The following FBXL19 variants were observed in gnomAD, a reference collection of about 807,000 sequenced individuals.
FBXL19 encodes F-box/LRR-repeat protein 19.
FBXL19 carries 16 observed loss-of-function variants against 71.2 expected under a neutral mutation model. The ratio of observed to expected loss-of-function variants is 0.22; its 90% CI spans 0.15 to 0.34. The LOEUF is 0.34. Ranked by LOEUF, FBXL19 falls within the 10% of genes least tolerant of loss-of-function variation. FBXL19 has a pLI of 1.00. For missense variants in FBXL19, 658 were observed against 968.2 expected (o/e 0.68, Z 4.25); for synonymous variants, 447 against 409.4 (o/e 1.09, Z -1.11).
Position 30,930,191 on chromosome 16 carries a change from C to T in FBXL19, c.908C>T (p.Thr303Ile). ...MCQLLERVPD[T>I]SSSSSDSDSD... Reference sequence around the variant, plus strand: ...CAGCTGCTGGAACGGGTGCCTGACACCTCCTCTTCCTCCTCGGACTCAGAC... The same window carrying T: ...CAGCTGCTGGAACGGGTGCCTGACATCTCCTCTTCCTCCTCGGACTCAGAC... Residue 303 changes from threonine to isoleucine, a missense_variant, in exon 7 of 11, where the codon ACC becomes ATC. By Grantham distance (89) the Thr-to-Ile change is moderately conservative. Transcript: ENST00000338343. The surrounding 1 kb of genome is among the most constrained non-coding windows in gnomAD (Gnocchi z 8.5). 1 of 1,613,238 alleles carries T rather than the reference C, an allele frequency of 6.2e-7. No homozygotes were observed. Among genetic ancestry groups the T allele is most frequent in the Non-Finnish European group, 8.5e-7 (1 of 1,179,884 alleles).
Position 30,925,944 on chromosome 16 carries a change from C to G in FBXL19, c.177+13C>G, listed in dbSNP as rs1273278571. 2 of 1,476,426 alleles carry G rather than the reference C, an allele frequency of 1.4e-6. No homozygotes were observed. The highest frequency in any genetic ancestry group is 5.3e-5 in the Admixed American group (2 of 37,910). 91.5% of individuals were successfully genotyped at this position (1,476,426 alleles called of 1,614,324 possible). A position where few individuals can be genotyped will look rare whatever the true frequency, so the allele number is the denominator to read the frequency against. On this transcript the variant is annotated intron_variant, in intron 2 of 10. Transcript: ENST00000338343. This position sits in a 1 kb window ranked among gnomAD's most constrained non-coding sequence, Gnocchi z 5.0. ...GCAGTGCACTGCCGTGAGTTCTGCC[C>G]CCACCTTTGGGCTCTGCCCACCCTT...
rs1195287869 is a variant in FBXL19, at chr16:30,946,684, G to A, written c.1628-46G>A. ...CAGATGGTCTGGATACCTGGGCGCA[G>A]GGATGGGAGTGGCCAGGAGTGCTGA... On this transcript the variant is annotated intron_variant, in intron 9 of 10. Coordinates refer to ENST00000338343, the MANE Select transcript of FBXL19 (RefSeq NM_001382779.1). The surrounding 1 kb of genome is among the most constrained non-coding windows in gnomAD (Gnocchi z 6.7). The A allele has an allele frequency of 6.4e-7, 1 of 1,558,900 alleles. No individual in the cohort carries two copies. Among genetic ancestry groups the A allele is most frequent in the Non-Finnish European group, 8.7e-7 (1 of 1,148,046 alleles).
chr16:30,925,758 T>C lies in FBXL19; in HGVS notation c.4T>C (p.Ser2Pro), dbSNP rs760344322. The C allele has an allele frequency of 1.0e-5, 15 of 1,484,676 alleles. No individual in the cohort carries two copies. The South Asian group carries it at 1.9e-4, about 18-fold the overall frequency. 92.0% of individuals were successfully genotyped at this position (1,484,676 alleles called of 1,614,324 possible). ...CTCGGCGTTGCTGACGCCCCCAATG[T>C]CGTCGAGCAGCCGGGGGCCGGGGGC... M[S>P]SSSRGPGAGA... The change falls in exon 2 of 11, where the codon TCG (serine) becomes CCG (proline). Residue 2 changes from serine to proline, a missense_variant. By Grantham distance (74) the Ser-to-Pro change is moderately conservative. Around this residue, in one of 8 missense-constraint regions of FBXL19, gnomAD observed 25 missense variants for 19.3 expected, o/e 1.30. Coordinates refer to ENST00000338343, the MANE Select transcript of FBXL19 (RefSeq NM_001382779.1). This position sits in a 1 kb window ranked among gnomAD's most constrained non-coding sequence, Gnocchi z 5.0.
chr16:30,923,418 A>C, upstream of FBXL19: 1 of 348,878 alleles, frequency 2.9e-6, no homozygotes, highest in South Asian at 2.1e-5. Context: ...CAGGACTACA[A>C]CTCCCGTCGA....
chr16:30,938,585 CTG>C (rs1182379962), intron 7 of FBXL19, among the ~76,000 whole-genome samples: 5 of 152,138 alleles, frequency 3.3e-5, no homozygotes, highest in Non-Finnish European at 7.3e-5. Context: ...CTTAATCCCT[CTG>C]TGAGTTTTGG....
intron 7 of FBXL19, among the ~76,000 whole-genome samples, chr16:30,935,154 G>A (rs1023528413): frequency 6.6e-6 from 1 of 152,176 alleles, no homozygotes; most frequent in African/African-American, 2.4e-5. Flanking sequence ...CTGGGGGTTG[G>A]GGGTCCAAAG....
chr16:30,942,428 G>T lies in FBXL19; in HGVS notation c.1519G>T (p.Gly507Cys), dbSNP rs202216221. The T allele has an allele frequency of 3.7e-6, 6 of 1,608,560 alleles. No individual in the cohort carries two copies. The highest frequency in any genetic ancestry group is 1.7e-6 in the Non-Finnish European group (2 of 1,178,008). Reference sequence around the variant, plus strand: ...CTCCTGGCTCTCTGTCTCTGCCCTGGGCTCAGCCCCACTGCCAGCCCTGCG... The same window carrying T: ...CTCCTGGCTCTCTGTCTCTGCCCTGTGCTCAGCCCCACTGCCAGCCCTGCG... ...GCSWLSVSAL[G>C]SAPLPALRLL... The change falls in exon 9 of 11, where the codon GGC becomes TGC. Residue 507 changes from glycine to cysteine, a missense_variant. Gly to Cys is a radical substitution (Grantham distance 159, BLOSUM62 -3). Transcript: ENST00000338343. This position sits in a 1 kb window ranked among gnomAD's most constrained non-coding sequence, Gnocchi z 5.7.
rs764777094 is a variant in FBXL19 at position 30,930,147 on chromosome 16, G to A, written c.864G>A (p.Glu288=). Reference sequence around the variant, plus strand: ...CGTCCCCGCAGAGGGAGAAGCTAGAGCGTTTCAAGCGGATGTGCCAGCTGC... The same window carrying A: ...CGTCCCCGCAGAGGGAGAAGCTAGAACGTTTCAAGCGGATGTGCCAGCTGC... ...PSPSPQREKL[E]RFKRMCQLLE... Residue 288 remains glutamate, a synonymous_variant, in exon 7 of 11, where the codon GAG becomes GAA. Coordinates refer to ENST00000338343, the MANE Select transcript of FBXL19 (RefSeq NM_001382779.1). The surrounding 1 kb of genome is among the most constrained non-coding windows in gnomAD (Gnocchi z 8.5). The A allele has an allele frequency of 6.2e-7, 1 of 1,613,506 alleles. No homozygotes were observed.
chr16:30,924,199 C>T lies in FBXL19; in HGVS notation c.-285C>T, dbSNP rs2055561815. On this transcript the variant is annotated 5_prime_UTR_variant, in exon 1 of 11. Coordinates refer to ENST00000338343, the MANE Select transcript of FBXL19 (RefSeq NM_001382779.1). Reference sequence around the variant, plus strand: ...CCGTTGGCCTGGGGGGGCTGAGGGACTGAGCCTCCCAGAGCAGGACCTCCC... The same window carrying T: ...CCGTTGGCCTGGGGGGGCTGAGGGATTGAGCCTCCCAGAGCAGGACCTCCC... The T allele has an allele frequency of 6.6e-6, 1 of 152,198 alleles. No homozygotes were observed. The highest frequency in any genetic ancestry group is 2.4e-5 in the African/African-American group (1 of 41,422). The allele number at this position is 152,198 out of a possible 1,614,324, so 9.4% of individuals were successfully genotyped here.
In FBXL19 at chr16:30,927,952, C is replaced by T; in HGVS notation, c.616C>T (p.Pro206Ser). 1 of 1,525,404 alleles carries T rather than the reference C, an allele frequency of 6.6e-7. No individual in the cohort carries two copies. Among genetic ancestry groups the T allele is most frequent in the Non-Finnish European group, 8.7e-7 (1 of 1,144,506 alleles). 94.5% of individuals were successfully genotyped at this position (1,525,404 alleles called of 1,614,324 possible). ...EREAGNEPPT[P>S]RKKVKGGRER... The stretch of plus-strand genomic sequence containing the variant: ...GGAGGCAGGGAATGAGCCTCCCACC[C>T]CAAGGAAAAAGGTGAGCCACGGAGC... The change falls in exon 5 of 11, where the codon CCA (proline) becomes TCA (serine). Residue 206 changes from proline (P) to serine (S), a missense_variant. Physicochemically the swap from Pro to Ser is moderately conservative, Grantham distance 74 (BLOSUM62 -1). This residue lies in a region of FBXL19 where 447 missense variants were observed against 515.4 expected (regional missense o/e 0.87). Transcript: ENST00000338343.
chr16:30,932,480 G>T (rs150251766), intron 7 of FBXL19, among the ~76,000 whole-genome samples: 2 of 152,190 alleles, frequency 1.3e-5, no homozygotes. Flanking sequence ...CGTGTGGCCC[G>T]AAGCAGACAA....
chr16:30,947,660 CCA>C lies in FBXL19; in HGVS notation c.*431_*432del. On this transcript the variant is annotated 3_prime_UTR_variant, in exon 11 of 11. Coordinates refer to ENST00000338343, the MANE Select transcript of FBXL19 (RefSeq NM_001382779.1). ...CCACCAAGGGTTCAGGGAACAAAGA[CCA>C]GTTACTTGGAGTGGGGGGTGGGGGT... 1 of 307,144 alleles carries C rather than the reference CCA, an allele frequency of 3.3e-6. No homozygotes were observed. The highest frequency in any genetic ancestry group is 2.4e-5 in the South Asian group (1 of 42,544). 19.0% of individuals were successfully genotyped at this position (307,144 alleles called of 1,614,324 possible).
At position 30,926,734 on chromosome 16, in the gene FBXL19, T is replaced by C. The variant is rs112051230; in HGVS notation, c.178-574T>C. On this transcript the variant is annotated intron_variant, in intron 2 of 10. Transcript: ENST00000338343. ...CCCCTACCTGCATCTTCCTTGATCC[T>C]GCCGCATCCTTGTTATGACTCAGTC... Among the ~76,000 whole-genome samples, 531 of 152,242 alleles carry C rather than the reference T, an allele frequency of 3.5e-3. 1 individual carries two copies. The highest frequency in any genetic ancestry group is 0.012 in the African/African-American group (511 of 41,528).
chr16:30,925,234 G>T lies in FBXL19; in HGVS notation c.-24-497G>T, dbSNP rs1350496359. 6.6e-6 allele frequency among the ~76,000 whole-genome samples: 1 copy of T among 151,866 alleles called. No individual in the cohort carries two copies. The highest frequency in any genetic ancestry group is 1.5e-5 in the Non-Finnish European group (1 of 67,940). On this transcript the variant is annotated intron_variant, in intron 1 of 10. Transcript: ENST00000338343. The surrounding 1 kb of genome is among the most constrained non-coding windows in gnomAD (Gnocchi z 5.0). ...TGCTGTGGATGAAAAGGTTGGTGGG[G>T]CGGGGGGGAGGAAAAGTCCGGAGCT... is the stretch of plus-strand genomic sequence containing the variant.
At position 30,948,432 on chromosome 16, in the gene FBXL19, C is replaced by T. The variant is rs1040416719; in HGVS notation, c.*1202C>T. On this transcript the variant is annotated 3_prime_UTR_variant, in exon 11 of 11. Transcript: ENST00000338343. ...TAACAGACTCTGCTGGCCCTCCTTC[C>T]CTGCCCCTTCCTCGAGCGCGGGGTG... 1 of 152,472 alleles carries T rather than the reference C, an allele frequency of 6.6e-6. No individual in the cohort carries two copies. The highest frequency in any genetic ancestry group is 1.5e-5 in the Non-Finnish European group (1 of 68,202). 9.4% of individuals were successfully genotyped at this position (152,472 alleles called of 1,614,324 possible).
chr16:30,925,402 G>A lies in FBXL19; in HGVS notation c.-24-329G>A, dbSNP rs892273148. ...TCCAAGCTAACACCACGGACAAGGA[G>A]TGCCTGGCCTTTCCAAGGAGCTCCG... On this transcript the variant is annotated intron_variant, in intron 1 of 10. Transcript: ENST00000338343. The surrounding 1 kb of genome is among the most constrained non-coding windows in gnomAD (Gnocchi z 5.0). 2.0e-5 allele frequency among the ~76,000 whole-genome samples: 3 copies of A among 152,144 alleles called. No individual in the cohort carries two copies. Among genetic ancestry groups the A allele is most frequent in the Non-Finnish European group, 4.4e-5 (3 of 67,998 alleles).
At chr16:30,929,946 G>T in intron 6 of FBXL19, 127 bp from the exon 7 acceptor site, 2 of 1,305,026 alleles carry the variant, frequency 1.5e-6, no homozygotes, top group African/African-American at 1.5e-5. Flanking sequence ...TCACTGTCCG[G>T]AGCAGAGCCA....
chr16:30,923,500 G>A (rs2055549039), upstream of FBXL19, among the ~76,000 whole-genome samples: 1 of 147,316 alleles, frequency 6.8e-6, no homozygotes, highest in African/African-American at 2.5e-5. Flanking sequence ...GGTTCCTCTG[G>A]GAGAAGGAGG....
In FBXL19 at chr16:30,923,808, G is replaced by A. The variant is rs1221192984; in HGVS notation, c.-676G>A. Among the ~76,000 whole-genome samples, 2 of 150,510 alleles carry A rather than the reference G, an allele frequency of 1.3e-5. No individual in the cohort carries two copies. Among genetic ancestry groups the A allele is most frequent in the Non-Finnish European group, 3.0e-5 (2 of 67,280 alleles). ...GTCGCGCGCTTGGGGGAGGGGGAGA[G>A]GTCGGGGGTGCGCGCGGGCTGGGGG... On this transcript the variant is annotated 5_prime_UTR_variant, in exon 1 of 11. Coordinates refer to ENST00000338343, the MANE Select transcript of FBXL19 (RefSeq NM_001382779.1).
Sources: allele counts gnomAD v4.1 joint callset (sites outside exome capture counted in the v4.1 genomes callset), GRCh38; gene constraint gnomAD v4.1.1; regional missense constraint gnomAD v4.1.1; non-coding constraint Gnocchi (gnomAD v3.1); transcripts MANE v1.5; gene names NCBI Gene and HGNC (gene_info 2026-07-23, HGNC 2026-07-21).